SERINC5: variants seen among roughly 807,000 people sequenced by gnomAD.
SERINC5 encodes chromosome 5 open reading frame 12.
SERINC5 carries 41 observed loss-of-function variants against 63.1 expected under a neutral mutation model. The ratio of observed to expected loss-of-function variants is 0.65; its 90% CI spans 0.51 to 0.84. The LOEUF (loss-of-function observed/expected upper bound fraction) is 0.84. Among genes scored for constraint, SERINC5 ranks in the 40% least tolerant of loss-of-function variants. SERINC5 has a pLI of 0.00. For missense variants in SERINC5, 523 were observed against 573.0 expected, an observed-to-expected ratio of 0.91 and a Z score of 0.89; for synonymous variants, 222 against 215.2, an observed-to-expected ratio of 1.03 and a Z score of -0.28.
chr5:80,200,072 C>A (rs1376888014), intron 2 of SERINC5, among the ~76,000 whole-genome samples: 1 of 151,012 alleles, frequency 6.6e-6, no homozygotes, highest in Non-Finnish European at 1.5e-5. Flanking sequence ...GCAGGAGGAT[C>A]GATTGAGCCT....
At chr5:80,133,575 G>GT (rs1415614832) in intron 11 of SERINC5, among the ~76,000 whole-genome samples, 1 of 152,016 alleles carries the variant, frequency 6.6e-6, no homozygotes. Flanking sequence ...GAATATAGAG[G>GT]GCCCAAGACT....
chr5:80,254,602 G>T (rs545095313), intron 1 of SERINC5, among the ~76,000 whole-genome samples: 1 of 152,262 alleles, frequency 6.6e-6, no homozygotes, highest in South Asian at 2.1e-4. Flanking sequence ...TTCAAAACGG[G>T]AATAAAAGAT....
At chr5:80,228,291 AGGAG>A (rs199602812) in intron 1 of SERINC5, among the ~76,000 whole-genome samples, 28 of 50,684 alleles carry the variant, frequency 5.5e-4, no homozygotes, top group South Asian at 1.2e-3. Flanking sequence ...AGGGAGGGAA[AGGAG>A]GGAGGGAGGG....
At chr5:80,191,831 C>T (rs1423259430) in intron 2 of SERINC5, among the ~76,000 whole-genome samples, 2 of 152,122 alleles carry the variant, frequency 1.3e-5, no homozygotes, top group East Asian at 1.9e-4. Flanking sequence ...GTTCATACAG[C>T]CTAGTCAGTT....
In SERINC5 at chr5:80,203,002, G is replaced by A. The variant is rs1749944364; in HGVS notation, c.79C>T (p.Pro27Ser). 6.2e-7 allele frequency: 1 copy of A among 1,613,058 alleles called. No individual in the cohort carries two copies. The highest frequency in any genetic ancestry group is 8.5e-7 in the Non-Finnish European group (1 of 1,179,534). Residue 27 changes from proline to serine, a missense_variant, in exon 2 of 12, where the codon CCC becomes TCC. By Grantham distance (74) the Pro-to-Ser change is moderately conservative. Transcript: ENST00000507668. ...AGCSLCCDCC[P>S]RIRQSLSTRF... ...GTGCTGAGGGACTGCCGAATCCTGG[G>A]GCAGCAATCACAGCAGAGAGAGCAG...
chr5:80,113,552 A>G (rs1189560692), intron 12 of SERINC5: 4 of 234,376 alleles, frequency 1.7e-5, no homozygotes, highest in Non-Finnish European at 2.6e-5. Flanking sequence ...GGGAAGAAAA[A>G]GAGGTTTAAT....
chr5:80,179,135 C>T (rs1003914945), intron 2 of SERINC5, among the ~76,000 whole-genome samples: 2 of 151,936 alleles, frequency 1.3e-5, no homozygotes, highest in Middle Eastern at 3.2e-3. Context: ...CCTGTCTCTA[C>T]TAAAAATACA....
intron 11 of SERINC5, among the ~76,000 whole-genome samples, chr5:80,130,865 T>C (rs1408941959): frequency 1.3e-5 from 2 of 152,194 alleles, no homozygotes; most frequent in Non-Finnish European, 2.9e-5. Context: ...AGTGAACACA[T>C]CCCTACCCCT....
chr5:80,115,865 AC>A (rs1744306099), intron 11 of SERINC5, among the ~76,000 whole-genome samples: 1 of 152,112 alleles, frequency 6.6e-6, no homozygotes, highest in Admixed American at 6.5e-5. Flanking sequence ...TGGCTCTTTG[AC>A]AAACCTTCAG....
chr5:80,195,163 G>A (rs960898155), intron 2 of SERINC5, among the ~76,000 whole-genome samples: 10 of 151,920 alleles, frequency 6.6e-5, no homozygotes, highest in African/African-American at 2.2e-4. Context: ...GTGCATGCCT[G>A]TAATCCCAGC....
chr5:80,180,160 TCA>T (rs1313188945), intron 2 of SERINC5, among the ~76,000 whole-genome samples: 1 of 152,212 alleles, frequency 6.6e-6, no homozygotes, highest in Non-Finnish European at 1.5e-5. Flanking sequence ...CATGAAATAA[TCA>T]GTTTCATTAT....
intron 6 of SERINC5, among the ~76,000 whole-genome samples, chr5:80,167,616 T>C (rs1256683426): frequency 2.6e-5 from 4 of 152,234 alleles, no homozygotes; most frequent in Middle Eastern, 3.2e-3. Context: ...ATGATAGTTT[T>C]GTTTTTAGGT....
At chr5:80,178,117 T>G (rs992385159) in intron 2 of SERINC5, 53 bp from the exon 3 acceptor site, 117 of 1,244,096 alleles carry the variant, frequency 9.4e-5, no homozygotes, top group Non-Finnish European at 1.2e-4. Flanking sequence ...AGAGGTGGAC[T>G]GTCACGGAGT....
intron 2 of SERINC5, among the ~76,000 whole-genome samples, chr5:80,180,619 A>G (rs554827108): frequency 6.6e-6 from 1 of 152,244 alleles, no homozygotes; most frequent in African/African-American, 2.4e-5. Context: ...GTATTTACCC[A>G]TTTCTTTAAA....
intron 1 of SERINC5, among the ~76,000 whole-genome samples, chr5:80,204,721 G>A (rs995116560): frequency 6.6e-6 from 1 of 152,092 alleles, no homozygotes; most frequent in African/African-American, 2.4e-5. Context: ...TAAACAAAGT[G>A]GGAAGAACAT....
intron 1 of SERINC5, among the ~76,000 whole-genome samples, chr5:80,208,690 C>G (rs186024017): frequency 1.6e-4 from 25 of 152,352 alleles, no homozygotes; most frequent in Admixed American, 2.6e-4. Flanking sequence ...CCAACAACAT[C>G]TTCAGAGGGC....
intron 9 of SERINC5, among the ~76,000 whole-genome samples, chr5:80,148,098 T>C (rs1298491705): frequency 6.6e-6 from 1 of 151,824 alleles, no homozygotes; most frequent in African/African-American, 2.4e-5. Context: ...CCATGTTTCC[T>C]ATCAAAATCA....
At chr5:80,115,522 G>C (rs1272794277) in intron 11 of SERINC5, among the ~76,000 whole-genome samples, 1 of 151,786 alleles carries the variant, frequency 6.6e-6, no homozygotes, top group South Asian at 2.1e-4. Flanking sequence ...GCTATTTTCT[G>C]CTTCCCTGTC....
At chr5:80,218,708 G>A (rs901373488) in intron 1 of SERINC5, among the ~76,000 whole-genome samples, 3 of 150,256 alleles carry the variant, frequency 2.0e-5, no homozygotes. Context: ...CTCTTGAACA[G>A]CTACAGGCTG....
Sources: allele counts gnomAD v4.1 joint callset (sites outside exome capture counted in the v4.1 genomes callset), GRCh38; gene constraint gnomAD v4.1.1; transcripts MANE v1.5; gene names NCBI Gene and HGNC (gene_info 2026-07-23, HGNC 2026-07-21).